The following XKR4 variants were observed in gnomAD, a reference collection of about 807,000 sequenced individuals.
The protein encoded by XKR4 is XK-related protein 4.
A neutral mutation model predicts 53.9 loss-of-function variants in XKR4; 12 were observed. That is an observed-to-expected ratio of 0.22 (90% CI 0.14 to 0.36). XKR4 has a LOEUF of 0.36. Ranked by LOEUF, XKR4 falls within the 10% of genes least tolerant of loss-of-function variation. The pLI, the probability that XKR4 is intolerant of heterozygous loss-of-function variation, is 1.00. For synonymous variants in XKR4, 354 were observed against 362.4 expected, an observed-to-expected ratio of 0.98 and a Z score of 0.26; for missense variants, 799 against 859.5, an observed-to-expected ratio of 0.93 and a Z score of 0.88.
chr8:55,278,713 C>G (rs1419650014), intron 1 of XKR4, among the ~76,000 whole-genome samples: 2 of 152,030 alleles, frequency 1.3e-5, no homozygotes, highest in Non-Finnish European at 2.9e-5. Flanking sequence ...TTATATAACT[C>G]AACATCACAA....
chr8:55,522,952 C>T (rs1806819325), intron 2 of XKR4, among the ~76,000 whole-genome samples: 1 of 152,042 alleles, frequency 6.6e-6, no homozygotes. Flanking sequence ...AAAATCCTGG[C>T]TTACATGGTG....
Position 55,532,204 on chromosome 8 carries a change from T to C in XKR4, c.*7977T>C, listed in dbSNP as rs1806963076. 1 of 152,178 alleles carries C rather than the reference T, an allele frequency of 6.6e-6. No homozygotes were observed. 9.4% of individuals were successfully genotyped at this position (152,178 alleles called of 1,614,324 possible). A position where few individuals can be genotyped will look rare whatever the true frequency, so the allele number is the denominator to read the frequency against. ...AATTCAAGTTCCTTAGCGAGTCACA[T>C]TATGCATTAATAAAAGAGTTGACCT... On this transcript the variant is annotated 3_prime_UTR_variant, in exon 3 of 3. Transcript: ENST00000327381.
intron 1 of XKR4, among the ~76,000 whole-genome samples, chr8:55,202,510 T>A (rs1817589220): frequency 6.6e-6 from 1 of 152,166 alleles, no homozygotes; most frequent in Non-Finnish European, 1.5e-5. Flanking sequence ...GGAGCGTTAG[T>A]TTCCTGCTCA....
At chr8:55,350,743 T>C (rs538934445) in intron 1 of XKR4, among the ~76,000 whole-genome samples, 33 of 145,568 alleles carry the variant, frequency 2.3e-4, no homozygotes, top group African/African-American at 6.8e-4. Flanking sequence ...CTTTTCTTTT[T>C]TTTTTTTTTT....
At chr8:55,148,455 A>G (rs1457818385) in intron 1 of XKR4, among the ~76,000 whole-genome samples, 1 of 152,094 alleles carries the variant, frequency 6.6e-6, no homozygotes, top group Non-Finnish European at 1.5e-5. Context: ...AGTAAATGAC[A>G]ATATGACAAT....
intron 2 of XKR4, among the ~76,000 whole-genome samples, chr8:55,433,157 C>A (rs1344759687): frequency 2.0e-5 from 3 of 152,148 alleles, no homozygotes; most frequent in Non-Finnish European, 2.9e-5. Flanking sequence ...TCTTATCATT[C>A]AAAATACCAA....
intron 1 of XKR4, among the ~76,000 whole-genome samples, chr8:55,131,031 C>T (rs995175031): frequency 5.3e-5 from 8 of 151,978 alleles, no homozygotes; most frequent in East Asian, 3.9e-4. Context: ...TGATGGTGCA[C>T]GCCGGTAATC....
At chr8:55,270,660 T>A (rs1323478651) in intron 1 of XKR4, among the ~76,000 whole-genome samples, 3 of 152,260 alleles carry the variant, frequency 2.0e-5, no homozygotes, top group Non-Finnish European at 4.4e-5. Flanking sequence ...CAAACATACC[T>A]ACATTGGGTA....
At position 55,299,901 on chromosome 8, in the gene XKR4, G is replaced by T. The variant is rs16921569; in HGVS notation, c.807-57777G>T. The stretch of plus-strand genomic sequence containing the variant: ...TTCCAGGACCTGAGGAGGGAGATTT[G>T]TACCGGAGATACAGATTTAGATGTC... On this transcript the variant is annotated intron_variant, in intron 1 of 2. Coordinates refer to ENST00000327381, the MANE Select transcript of XKR4 (RefSeq NM_052898.2). Among the ~76,000 whole-genome samples the T allele has an allele frequency of 5.6e-3, 851 of 152,188 alleles. 10 individuals carry two copies. Among genetic ancestry groups the T allele is most frequent in the African/African-American group, 0.02 (811 of 41,504 alleles).
chr8:55,113,376 A>T (rs1170254170), intron 1 of XKR4, among the ~76,000 whole-genome samples: 1 of 152,228 alleles, frequency 6.6e-6, no homozygotes, highest in Admixed American at 6.5e-5. Context: ...TTATTCCACA[A>T]TCAGAGAGCA....
intron 1 of XKR4, among the ~76,000 whole-genome samples, chr8:55,114,695 A>C (rs1563459758): frequency 6.6e-6 from 1 of 152,156 alleles, no homozygotes; most frequent in Non-Finnish European, 1.5e-5. Flanking sequence ...TTCTGTTCCA[A>C]CTGAGGGGAG....
At chr8:55,477,173 G>T (rs551997138) in intron 2 of XKR4, among the ~76,000 whole-genome samples, 1 of 152,004 alleles carries the variant, frequency 6.6e-6, no homozygotes, top group African/African-American at 2.4e-5. Context: ...TCACACAGCC[G>T]GATACTCCTC....
intron 2 of XKR4, among the ~76,000 whole-genome samples, chr8:55,420,867 T>C (rs1333570404): frequency 1.3e-5 from 2 of 151,944 alleles, no homozygotes; most frequent in African/African-American, 2.4e-5. Context: ...GATAGTATGA[T>C]AAACTACACT....
At chr8:55,153,595 T>C (rs1012837357) in intron 1 of XKR4, among the ~76,000 whole-genome samples, 2 of 152,242 alleles carry the variant, frequency 1.3e-5, no homozygotes, top group Non-Finnish European at 2.9e-5. Flanking sequence ...TACTTTATGA[T>C]ACGTGATGAA....
chr8:55,288,727 C>T (rs1818941886), intron 1 of XKR4, among the ~76,000 whole-genome samples: 1 of 152,022 alleles, frequency 6.6e-6, no homozygotes. Context: ...TATGCTTTAC[C>T]CAGTTTCCCC....
intron 1 of XKR4, among the ~76,000 whole-genome samples, chr8:55,299,405 C>G (rs1402488377): frequency 6.6e-6 from 1 of 152,176 alleles, no homozygotes; most frequent in African/African-American, 2.4e-5. Flanking sequence ...ACAGTGAGAC[C>G]AGGCAGGCCA....
rs564024061 is a variant in XKR4, at chr8:55,114,153, G to A, written c.806+10859G>A. Reference sequence around the variant, plus strand: ...TAGCTCTTTGAGGGATTGCCACACTGCTTTCCACAATGTTTGAACTAATTT... The same window carrying A: ...TAGCTCTTTGAGGGATTGCCACACTACTTTCCACAATGTTTGAACTAATTT... On this transcript the variant is annotated intron_variant, in intron 1 of 2. Coordinates refer to ENST00000327381, the MANE Select transcript of XKR4 (RefSeq NM_052898.2). Among the ~76,000 whole-genome samples the A allele has an allele frequency of 2.0e-5, 3 of 152,258 alleles. No homozygotes were observed. The South Asian group carries it at 6.2e-4, about 32-fold the overall frequency.
intron 1 of XKR4, among the ~76,000 whole-genome samples, chr8:55,335,154 G>C (rs541117236): frequency 6.6e-6 from 1 of 152,254 alleles, no homozygotes; most frequent in South Asian, 2.1e-4. Flanking sequence ...TTTCATCTAT[G>C]AATAAAACCA....
intron 2 of XKR4, among the ~76,000 whole-genome samples, chr8:55,366,088 C>A (rs1241057067): frequency 1.3e-5 from 2 of 152,190 alleles, no homozygotes; most frequent in East Asian, 1.9e-4. Context: ...TGGAGACAGG[C>A]GCTGTGGAGG....
Sources: allele counts gnomAD v4.1 joint callset (sites outside exome capture counted in the v4.1 genomes callset), GRCh38; gene constraint gnomAD v4.1.1; transcripts MANE v1.5; gene names NCBI Gene and HGNC (gene_info 2026-07-23, HGNC 2026-07-21).